Variants in SYTL3 observed in about 807,000 individuals in gnomAD.
The protein encoded by SYTL3 is synaptotagmin like 3.
In SYTL3, 88 loss-of-function variants were observed where a neutral mutation model predicts 82.1. The ratio of observed to expected loss-of-function variants is 1.07; its 90% CI spans 0.90 to 1.28. The LOEUF (loss-of-function observed/expected upper bound fraction) is 1.28, where lower values mean the gene tolerates loss of function less well. Among genes scored for constraint, SYTL3 ranks in the 50% most tolerant of loss-of-function variants. The probability of loss-of-function intolerance (pLI) is 0.00; values close to 1 mark genes in which losing one functional copy is unlikely to be tolerated. For synonymous variants in SYTL3, 311 were observed against 289.4 expected (o/e 1.07, Z -0.76); for missense variants, 831 against 757.6 (o/e 1.10, Z -1.14).
At chr6:158,681,637 C>A (rs1031126968) in intron 5 of SYTL3, among the ~76,000 whole-genome samples, 2 of 152,114 alleles carry the variant, frequency 1.3e-5, no homozygotes, top group African/African-American at 2.4e-5. Context: ...GAGATCGTGC[C>A]ACTGCACTCC....
At chr6:158,708,089 C>T (rs941824694) in intron 7 of SYTL3, among the ~76,000 whole-genome samples, 2 of 152,098 alleles carry the variant, frequency 1.3e-5, no homozygotes, top group African/African-American at 2.4e-5. Context: ...CTGAGTGGGG[C>T]GGAGTACCCA....
chr6:158,648,467 T>C (rs1306328192), upstream of SYTL3, among the ~76,000 whole-genome samples: 2 of 151,410 alleles, frequency 1.3e-5, no homozygotes, highest in African/African-American at 4.9e-5. Context: ...GGTGGGCGCC[T>C]GTAGTCCCAG....
At chr6:158,672,851 T>A (rs1253212324) in intron 5 of SYTL3, among the ~76,000 whole-genome samples, 1 of 152,132 alleles carries the variant, frequency 6.6e-6, no homozygotes, top group Non-Finnish European at 1.5e-5. Context: ...GTCAGGCTGG[T>A]CTCAAACTCC....
chr6:158,695,386 T>C (rs35014732), intron 6 of SYTL3, among the ~76,000 whole-genome samples: 224 of 152,344 alleles, frequency 1.5e-3, no homozygotes, highest in Non-Finnish European at 2.7e-3. Context: ...TTAGACAAAA[T>C]TACTCATTAG....
chr6:158,744,474 A>AT (rs940944719), intron 11 of SYTL3, among the ~76,000 whole-genome samples: 7 of 146,524 alleles, frequency 4.8e-5, no homozygotes, highest in East Asian at 2.0e-4. Context: ...TGCCTGGCTA[A>AT]TTTTTTTTTT....
intron 14 of SYTL3, 29 bp downstream of exon 14, chr6:158,757,410 T>G (rs771494058): frequency 1.2e-6 from 2 of 1,609,434 alleles, no homozygotes; most frequent in South Asian, 2.2e-5. Flanking sequence ...CTGAGTGCCC[T>G]CCATCCCCAC....
chr6:158,744,125 C>A (rs1373643640), intron 11 of SYTL3, among the ~76,000 whole-genome samples: 1 of 151,804 alleles, frequency 6.6e-6, no homozygotes, highest in Admixed American at 6.6e-5. Flanking sequence ...CCATGTTGGC[C>A]AGGCTGGTCT....
intron 5 of SYTL3, among the ~76,000 whole-genome samples, chr6:158,674,503 G>A (rs1046939798): frequency 5.3e-5 from 8 of 152,124 alleles, no homozygotes; most frequent in South Asian, 2.1e-4. Flanking sequence ...GCATTTTATC[G>A]GAAGCTCTTG....
chr6:158,675,765 G>A (rs1777959742), intron 5 of SYTL3, among the ~76,000 whole-genome samples: 2 of 152,144 alleles, frequency 1.3e-5, no homozygotes, highest in Admixed American at 6.5e-5. Context: ...GGCTAACATG[G>A]TGAAACCCTG....
chr6:158,699,207 C>T (rs1780885834), intron 6 of SYTL3, among the ~76,000 whole-genome samples: 1 of 152,200 alleles, frequency 6.6e-6, no homozygotes. Context: ...CTGATGGAGT[C>T]ACTGTGGGAC....
chr6:158,764,864 C>CTGGAGG lies in SYTL3; in HGVS notation c.*260_*261insTGGAGG. 2.7e-6 allele frequency: 1 copy of CTGGAGG among 374,566 alleles called. No individual in the cohort carries two copies. Among genetic ancestry groups the CTGGAGG allele is most frequent in the Non-Finnish European group, 4.9e-6 (1 of 205,056 alleles). The allele number at this position is 374,566 out of a possible 1,614,324, so 23.2% of individuals were successfully genotyped here. On this transcript the variant is annotated 3_prime_UTR_variant, in exon 18 of 18. Coordinates refer to ENST00000611299, the MANE Select transcript of SYTL3 (RefSeq NM_001242394.2). The stretch of plus-strand genomic sequence containing the variant: ...GGCCAGATTTTAATAAACGTTGTTA[C>CTGGAGG]CCATGTCCTCCAGTGCTTATCAAAT...
intron 5 of SYTL3, among the ~76,000 whole-genome samples, chr6:158,677,089 A>G (rs932508638): frequency 1.3e-5 from 2 of 152,236 alleles, no homozygotes; most frequent in African/African-American, 4.8e-5. Context: ...TCATGCTGCT[A>G]TAAAGACACA....
chr6:158,698,410 A>G (rs1780794908), intron 6 of SYTL3, among the ~76,000 whole-genome samples: 1 of 151,664 alleles, frequency 6.6e-6, no homozygotes, highest in South Asian at 2.1e-4. Context: ...AAAAAAAAAA[A>G]AAAGGCTCTG....
At chr6:158,742,175 A>G (rs989386752) in intron 11 of SYTL3, among the ~76,000 whole-genome samples, 8 of 152,150 alleles carry the variant, frequency 5.3e-5, no homozygotes, top group African/African-American at 1.9e-4. Context: ...ATCCATTATT[A>G]GCAAAAAAAT....
rs55657606 is a variant in SYTL3, at chr6:158,727,689, C to CTTTTTTTTTTTTTTTT, written c.855+2064_855+2065insTTTTTTTTTTTTTTTT. On this transcript the variant is annotated intron_variant, in intron 11 of 17. Coordinates refer to ENST00000611299, the MANE Select transcript of SYTL3 (RefSeq NM_001242394.2). The stretch of plus-strand genomic sequence containing the variant: ...CATGTGCGTGTCTCATCCAAGTACT[C>CTTTTTTTTTTTTTTTT]TTTTTTTTTTTTGAGATGAAGTCTC... Among the ~76,000 whole-genome samples, 343 of 106,578 alleles carry CTTTTTTTTTTTTTTTT rather than the reference C, an allele frequency of 3.2e-3. 39 individuals carry two copies. Among genetic ancestry groups the CTTTTTTTTTTTTTTTT allele is most frequent in the African/African-American group, 6.9e-3 (159 of 23,042 alleles). 69.9% of individuals were successfully genotyped at this position (106,578 alleles called of 152,430 possible).
intron 14 of SYTL3, among the ~76,000 whole-genome samples, chr6:158,759,053 GGCT>G (rs1789548917): frequency 6.6e-6 from 1 of 152,190 alleles, no homozygotes; most frequent in Non-Finnish European, 1.5e-5. Flanking sequence ...TTCTGTCCGA[GGCT>G]GAATCCCCCG....
intron 10 of SYTL3, among the ~76,000 whole-genome samples, chr6:158,723,089 CTTTT>C (rs745395918): frequency 7.8e-5 from 7 of 89,880 alleles, no homozygotes; most frequent in South Asian, 3.5e-4. Flanking sequence ...AACAGCTACT[CTTTT>C]TTTTTTTTTT....
chr6:158,739,530 A>G (rs1288656521), intron 11 of SYTL3, among the ~76,000 whole-genome samples: 1 of 152,102 alleles, frequency 6.6e-6, no homozygotes, highest in Non-Finnish European at 1.5e-5. Flanking sequence ...GAGTCCAAAC[A>G]TATACTTTTT....
chr6:158,689,915 A>G (rs997445302), intron 6 of SYTL3, among the ~76,000 whole-genome samples: 1 of 152,170 alleles, frequency 6.6e-6, no homozygotes, highest in Admixed American at 6.5e-5. Flanking sequence ...TGGCCTCCCA[A>G]AGTGCTGGGA....
Sources: allele counts gnomAD v4.1 joint callset (sites outside exome capture counted in the v4.1 genomes callset), GRCh38; gene constraint gnomAD v4.1.1; transcripts MANE v1.5; gene names NCBI Gene and HGNC (gene_info 2026-07-23, HGNC 2026-07-21).